The following PSEN1 variants were observed in gnomAD, a reference collection of about 807,000 sequenced individuals.
PSEN1 encodes presenilin-1.
A neutral mutation model predicts 53.5 loss-of-function variants in PSEN1; 15 were observed. The ratio of observed to expected loss-of-function variants is 0.28; its 90% CI spans 0.19 to 0.43. The LOEUF (loss-of-function observed/expected upper bound fraction) is 0.43, where lower values mean the gene tolerates loss of function less well. Ranked by LOEUF, PSEN1 falls within the 20% of genes least tolerant of loss-of-function variation. The probability of loss-of-function intolerance (pLI) is 1.00; values close to 1 mark genes in which losing one functional copy is unlikely to be tolerated. For missense variants in PSEN1, 387 were observed against 571.2 expected (o/e 0.68, Z 3.29); for synonymous variants, 208 against 209.8 (o/e 0.99, Z 0.08).
At chr14:73,186,966 T>C (rs774769033) in intron 6 of PSEN1, 46 bp downstream of exon 6, 2 of 1,399,778 alleles carry the variant, frequency 1.4e-6, no homozygotes, top group South Asian at 1.2e-5. Context: ...TAACTACCTT[T>C]GTGCTGTGTA....
chr14:73,137,759 C>T (rs1345006777), intron 1 of PSEN1, among the ~76,000 whole-genome samples: 1 of 152,094 alleles, frequency 6.6e-6, no homozygotes, highest in African/African-American at 2.4e-5. Context: ...GCAGAAGGAA[C>T]AGAAGATTTA....
In PSEN1 at chr14:73,192,648, G is replaced by C. The variant is rs762700122; in HGVS notation, c.553G>C (p.Val185Leu). Reference protein sequence around the residue: ...FFFSFIYLGEVFKTYNVAVDY... With the variant: ...FFFSFIYLGELFKTYNVAVDY... ...ATCTGTGTAATTTTTTTTCAGGGAA[G>C]TGTTTAAAACCTATAACGTTGCTGT... The change falls in exon 7 of 12, where the codon GTG becomes CTG. Residue 185 changes from valine to leucine, a missense_variant. Around this residue, in one of 4 missense-constraint regions of PSEN1, gnomAD observed 169 missense variants for 299.7 expected, o/e 0.56. Coordinates refer to ENST00000324501, the MANE Select transcript of PSEN1 (RefSeq NM_000021.4). The C allele has an allele frequency of 6.2e-7, 1 of 1,609,842 alleles. No individual in the cohort carries two copies. The highest frequency in any genetic ancestry group is 1.3e-5 in the African/African-American group (1 of 74,764).
intron 8 of PSEN1, 26 bp from the exon 9 acceptor site, chr14:73,206,360 A>ACC (rs757999622): frequency 9.6e-6 from 15 of 1,567,068 alleles, no homozygotes; most frequent in Non-Finnish European, 1.8e-6. Context: ...TCCAGTGCTT[A>ACC]CCTGGAATTT....
In PSEN1 at chr14:73,211,760, C is replaced by T. The variant is rs751258598; in HGVS notation, c.956-9C>T. The T allele has an allele frequency of 1.2e-6, 2 of 1,613,900 alleles. No homozygotes were observed. Among genetic ancestry groups the T allele is most frequent in the Non-Finnish European group, 1.7e-6 (2 of 1,179,904 alleles). The stretch of plus-strand genomic sequence containing the variant: ...ATATTAGAGCTGTAACTTCCACTTT[C>T]TCTTGAAGGCACAGAAAGGGAGTCA... On this transcript the variant is annotated splice_polypyrimidine_tract_variant and intron_variant, in intron 9 of 11. Coordinates refer to ENST00000324501, the MANE Select transcript of PSEN1 (RefSeq NM_000021.4).
chr14:73,167,803 ACTCT>A (rs1324391220), intron 3 of PSEN1: 1 of 126,276 alleles, frequency 7.9e-6, no homozygotes, highest in Non-Finnish European at 1.7e-5. Flanking sequence ...AAGTTAAATC[ACTCT>A]CTATTGCAAG....
At chr14:73,203,957 C>T (rs2140119860) in intron 8 of PSEN1, among the ~76,000 whole-genome samples, 1 of 152,176 alleles carries the variant, frequency 6.6e-6, no homozygotes, top group African/African-American at 2.4e-5. Flanking sequence ...AATTCAAGAC[C>T]ACCCTAGACT....
intron 1 of PSEN1, among the ~76,000 whole-genome samples, chr14:73,139,569 G>A (rs1594953726): frequency 6.6e-6 from 1 of 151,566 alleles, no homozygotes; most frequent in Non-Finnish European, 1.5e-5. Context: ...TACAGAGCGA[G>A]ACTCCATAAG....
chr14:73,189,541 G>T (rs916482208), intron 6 of PSEN1, among the ~76,000 whole-genome samples: 1 of 152,116 alleles, frequency 6.6e-6, no homozygotes, highest in African/African-American at 2.4e-5. Context: ...GAACCTGGGA[G>T]ATGGAGGTTG....
At chr14:73,165,109 A>G (rs1213911864) in intron 3 of PSEN1, among the ~76,000 whole-genome samples, 1 of 151,894 alleles carries the variant, frequency 6.6e-6, no homozygotes, top group Non-Finnish European at 1.5e-5. Flanking sequence ...GGTGCCCGCC[A>G]CCACACTGGC....
At chr14:73,194,859 TGCCCG>T (rs1898877468) in intron 7 of PSEN1, among the ~76,000 whole-genome samples, 1 of 151,962 alleles carries the variant, frequency 6.6e-6, no homozygotes, top group African/African-American at 2.4e-5. Context: ...TGAGCCACCG[TGCCCG>T]GCCTGGCCAT....
At position 73,161,799 on chromosome 14, in the gene PSEN1, G is replaced by A. The variant is rs545673812; in HGVS notation, c.88-8998G>A. Among the ~76,000 whole-genome samples, 182 of 152,188 alleles carry A rather than the reference G, an allele frequency of 1.2e-3. 1 individual carries two copies. Among genetic ancestry groups the A allele is most frequent in the African/African-American group, 4.2e-3 (175 of 41,532 alleles). ...TACTGTGTGACACAAGGCCCTCACCGTAGATCACATTATTAGCGGAAACTT... is the reference window on the plus strand; with the variant it reads ...TACTGTGTGACACAAGGCCCTCACCATAGATCACATTATTAGCGGAAACTT... On this transcript the variant is annotated intron_variant, in intron 3 of 11. Transcript: ENST00000324501.
chr14:73,187,248 A>G lies in PSEN1; in HGVS notation c.548+328A>G, dbSNP rs184415284. ...TTAAGAATGTATAAAAACCAAAATA[A>G]TTGATTTTCATACTTCTATATTGTT... On this transcript the variant is annotated intron_variant, in intron 6 of 11. Coordinates refer to ENST00000324501, the MANE Select transcript of PSEN1 (RefSeq NM_000021.4). 2.9e-3 allele frequency among the ~76,000 whole-genome samples: 443 copies of G among 152,312 alleles called. 1 individual carries two copies. Among genetic ancestry groups the G allele is most frequent in the Non-Finnish European group, 5.1e-3 (346 of 68,032 alleles).
At chr14:73,186,374 C>A (rs898284396) in intron 5 of PSEN1, among the ~76,000 whole-genome samples, 2 of 151,012 alleles carry the variant, frequency 1.3e-5, no homozygotes, top group Admixed American at 1.3e-4. Context: ...AGCGAAACTC[C>A]GTCTCAGAAA....
chr14:73,189,734 CAA>C (rs1352119665), intron 6 of PSEN1: 4 of 160,404 alleles, frequency 2.5e-5, no homozygotes, highest in African/African-American at 9.6e-5. Flanking sequence ...TACGAGTAAA[CAA>C]GAATTGTGCA....
At chr14:73,157,304 A>C (rs1246339733) in intron 3 of PSEN1, among the ~76,000 whole-genome samples, 1 of 146,476 alleles carries the variant, frequency 6.8e-6, no homozygotes, top group Non-Finnish European at 1.5e-5. Flanking sequence ...TTTTTTGTAT[A>C]CTTTTTTTTT....
chr14:73,203,419 TTTTTTCTTACA>T (rs557077759), intron 8 of PSEN1, among the ~76,000 whole-genome samples: 5 of 152,136 alleles, frequency 3.3e-5, no homozygotes, highest in African/African-American at 4.8e-5. Flanking sequence ...AATGTAAGAA[TTTTTTCTTACA>T]TTTTTCTTAC....
chr14:73,217,004 G>A (rs1899943942), intron 10 of PSEN1, 122 bp from the exon 11 acceptor site: 4 of 1,094,312 alleles, frequency 3.7e-6, no homozygotes, highest in African/African-American at 3.1e-5. Flanking sequence ...GCCTAATTTT[G>A]TATATCATTT....
chr14:73,196,097 C>A (rs1056354438), intron 7 of PSEN1, among the ~76,000 whole-genome samples: 2 of 152,124 alleles, frequency 1.3e-5, no homozygotes, highest in Non-Finnish European at 2.9e-5. Context: ...AGTAGTGATT[C>A]TCGGCTCCAT....
At chr14:73,158,280 T>TTTTC (rs1897421239) in intron 3 of PSEN1, among the ~76,000 whole-genome samples, 1 of 130,074 alleles carries the variant, frequency 7.7e-6, no homozygotes, top group Non-Finnish European at 1.6e-5. Context: ...TTTAACTTTT[T>TTTTC]TTTCTATCTA....
Sources: allele counts gnomAD v4.1 joint callset (sites outside exome capture counted in the v4.1 genomes callset), GRCh38; gene constraint gnomAD v4.1.1; regional missense constraint gnomAD v4.1.1; transcripts MANE v1.5; gene names NCBI Gene and HGNC (gene_info 2026-07-23, HGNC 2026-07-21).